PTPRD: variants seen among roughly 807,000 people sequenced by gnomAD.
The protein encoded by PTPRD is receptor-type tyrosine-protein phosphatase delta.
A neutral mutation model predicts 214.5 loss-of-function variants in PTPRD; 34 were observed. The ratio of observed to expected loss-of-function variants is 0.16; its 90% CI spans 0.12 to 0.21. PTPRD has a LOEUF of 0.21. Among genes scored for constraint, PTPRD ranks in the 10% least tolerant of loss-of-function variants. The pLI is 1.00. For synonymous variants in PTPRD, 1,128 were observed against 845.7 expected (o/e 1.33, Z -5.79); for missense variants, 2,545 against 2,398.7 (o/e 1.06, Z -1.27).
At chr9:8,452,292 C>T (rs1434327299) in intron 33 of PTPRD, among the ~76,000 whole-genome samples, 1 of 152,136 alleles carries the variant, frequency 6.6e-6, no homozygotes, top group African/African-American at 2.4e-5. Context: ...ACATTCTTAT[C>T]ACATTATTTT....
At chr9:9,784,529 G>A (rs1055223775) in intron 5 of PTPRD, among the ~76,000 whole-genome samples, 3 of 151,844 alleles carry the variant, frequency 2.0e-5, no homozygotes, top group Admixed American at 1.3e-4. Flanking sequence ...TCCTTCCAAA[G>A]CCATGGTAAA....
chr9:9,679,116 A>AT lies in PTPRD; in HGVS notation c.-287+55416_-287+55417insA, dbSNP rs1564498267. On this transcript the variant is annotated intron_variant, in intron 7 of 45. Coordinates refer to ENST00000381196, the MANE Select transcript of PTPRD (RefSeq NM_002839.4). ...TACCCTTTGGTAATTAGGTTGAAAA[A>AT]GGGGGAAAAAAAAAAAAACCTAGAA... 3.0e-5 allele frequency among the ~76,000 whole-genome samples: 3 copies of AT among 100,790 alleles called. No individual in the cohort carries two copies. In the Admixed American group the frequency reaches 3.4e-4, roughly 11 times the overall value. The allele number at this position is 100,790 out of a possible 152,430, so 66.1% of individuals were successfully genotyped here.
chr9:9,767,217 A>G (rs1470141279), intron 5 of PTPRD, among the ~76,000 whole-genome samples: 1 of 152,082 alleles, frequency 6.6e-6, no homozygotes, highest in Non-Finnish European at 1.5e-5. Flanking sequence ...GAATTATTAG[A>G]TTTAAATCAG....
intron 30 of PTPRD, among the ~76,000 whole-genome samples, chr9:8,481,660 G>A (rs537850538): frequency 1.3e-5 from 2 of 151,956 alleles, no homozygotes; most frequent in East Asian, 1.9e-4. Flanking sequence ...TCCTATTAAC[G>A]GAGACCTTTA....
chr9:9,897,183 G>A (rs867481475), intron 5 of PTPRD, among the ~76,000 whole-genome samples: 1 of 150,912 alleles, frequency 6.6e-6, no homozygotes, highest in South Asian at 2.1e-4. Flanking sequence ...ACCCCCTGGG[G>A]GTTGGTAAAG....
chr9:8,941,790 T>A (rs2099035457), intron 11 of PTPRD, among the ~76,000 whole-genome samples: 1 of 124,712 alleles, frequency 8.0e-6, no homozygotes, highest in Admixed American at 9.1e-5. Flanking sequence ...ATAATAAAGG[T>A]CTTGTTTGTT....
intron 7 of PTPRD, among the ~76,000 whole-genome samples, chr9:9,676,449 C>A (rs1331524300): frequency 6.6e-6 from 1 of 151,986 alleles, no homozygotes; most frequent in East Asian, 1.9e-4. Context: ...CTACAAAGGA[C>A]ATGAACTCAT....
At chr9:10,105,104 G>A (rs2098610634) in intron 3 of PTPRD, among the ~76,000 whole-genome samples, 1 of 151,692 alleles carries the variant, frequency 6.6e-6, no homozygotes, top group East Asian at 1.9e-4. Flanking sequence ...CTCTGAAATA[G>A]CATTATTTAC....
Position 9,788,444 on chromosome 9 carries a change from G to C in PTPRD, c.-367-21593C>G, listed in dbSNP as rs571102246. 6.4e-4 allele frequency among the ~76,000 whole-genome samples: 97 copies of C among 151,294 alleles called. No homozygotes were observed. In the East Asian group the frequency reaches 0.018, roughly 28 times the overall value. On this transcript the variant is annotated intron_variant, in intron 5 of 45. Coordinates refer to ENST00000381196, the MANE Select transcript of PTPRD (RefSeq NM_002839.4). ...GCAGGCGCCTGTAGTCCCAGCTGCT[G>C]GGGAGGCTGAGGCAGGAGAATGGCA... is the stretch of plus-strand genomic sequence containing the variant.
At chr9:10,293,835 G>GAGTTAGAT (rs1165876527) in intron 3 of PTPRD, among the ~76,000 whole-genome samples, 1 of 151,942 alleles carries the variant, frequency 6.6e-6, no homozygotes, top group Non-Finnish European at 1.5e-5. Context: ...GTGAGACATG[G>GAGTTAGAT]AGTTAGATAG....
At chr9:9,208,313 C>T (rs2099946312) in intron 9 of PTPRD, among the ~76,000 whole-genome samples, 1 of 151,676 alleles carries the variant, frequency 6.6e-6, no homozygotes, top group African/African-American at 2.4e-5. Flanking sequence ...CAAGCCCCGC[C>T]ATCTGCTTGT....
At chr9:9,876,702 A>T (rs564657931) in intron 5 of PTPRD, among the ~76,000 whole-genome samples, 1 of 152,176 alleles carries the variant, frequency 6.6e-6, no homozygotes, top group Non-Finnish European at 1.5e-5. Context: ...GCTCTTTCTC[A>T]AATTTGCTTT....
chr9:10,205,802 A>C (rs185461313), intron 3 of PTPRD, among the ~76,000 whole-genome samples: 7 of 152,312 alleles, frequency 4.6e-5, no homozygotes, highest in Admixed American at 3.3e-4. Flanking sequence ...TTTTATAATA[A>C]TTTTAAATGA....
chr9:9,186,270 C>T (rs1394782066), intron 9 of PTPRD, among the ~76,000 whole-genome samples: 1 of 152,060 alleles, frequency 6.6e-6, no homozygotes, highest in Non-Finnish European at 1.5e-5. Context: ...TCTTTCATTT[C>T]CCAGCTGTCT....
At chr9:9,322,225 T>G (rs1255844294) in intron 9 of PTPRD, among the ~76,000 whole-genome samples, 1 of 152,188 alleles carries the variant, frequency 6.6e-6, no homozygotes, top group Non-Finnish European at 1.5e-5. Context: ...CCTATGACTT[T>G]CACCAGTAAA....
At chr9:8,543,944 T>A (rs1210133039) in intron 14 of PTPRD, among the ~76,000 whole-genome samples, 1 of 152,062 alleles carries the variant, frequency 6.6e-6, no homozygotes, top group Non-Finnish European at 1.5e-5. Flanking sequence ...ACCCCTGACT[T>A]CATGACCTGC....
At position 9,312,886 on chromosome 9, in the gene PTPRD, T is replaced by A. The variant is rs548085902; in HGVS notation, c.-203+84563A>T. Among the ~76,000 whole-genome samples the A allele has an allele frequency of 3.9e-5, 6 of 152,292 alleles. No individual in the cohort carries two copies. In the South Asian group the frequency reaches 1.2e-3, roughly 32 times the overall value. ...TGATTGTTTATTTTTGAACTACGTGTTAGTCGCAGGACATCCTCACAAGTT... is the reference window on the plus strand; with the variant it reads ...TGATTGTTTATTTTTGAACTACGTGATAGTCGCAGGACATCCTCACAAGTT... On this transcript the variant is annotated intron_variant, in intron 9 of 45. Transcript: ENST00000381196.
intron 10 of PTPRD, among the ~76,000 whole-genome samples, chr9:9,173,533 G>C (rs905686652): frequency 2.0e-5 from 3 of 152,070 alleles, no homozygotes; most frequent in Non-Finnish European, 4.4e-5. Context: ...ATATGGTATA[G>C]CCTACTACCC....
intron 10 of PTPRD, among the ~76,000 whole-genome samples, chr9:9,137,695 A>G (rs2099853118): frequency 6.6e-6 from 1 of 152,154 alleles, no homozygotes; most frequent in South Asian, 2.1e-4. Context: ...ATCAAAATTA[A>G]TCATTACTGT....
Sources: allele counts gnomAD v4.1 joint callset (sites outside exome capture counted in the v4.1 genomes callset), GRCh38; gene constraint gnomAD v4.1.1; transcripts MANE v1.5; gene names NCBI Gene and HGNC (gene_info 2026-07-23, HGNC 2026-07-21).